KCTD3: variants seen among roughly 807,000 people sequenced by gnomAD.
KCTD3 encodes BTB/POZ domain-containing protein KCTD3.
In KCTD3, 41 loss-of-function variants were observed where a neutral mutation model predicts 85.8. That is an observed-to-expected ratio of 0.48 (90% CI 0.37 to 0.62). The LOEUF is 0.62. Among genes scored for constraint, KCTD3 ranks in the 20% least tolerant of loss-of-function variants. The pLI, the probability that KCTD3 is intolerant of heterozygous loss-of-function variation, is 0.00. For synonymous variants in KCTD3, 338 were observed against 345.4 expected, an observed-to-expected ratio of 0.98 and a Z score of 0.24; for missense variants, 724 against 989.9, an observed-to-expected ratio of 0.73 and a Z score of 3.60.
In KCTD3 at chr1:215,604,125, T is replaced by C. The variant is rs1654927189; in HGVS notation, c.1139-7T>C. 6.2e-7 allele frequency: 1 copy of C among 1,600,310 alleles called. No homozygotes were observed. Among genetic ancestry groups the C allele is most frequent in the African/African-American group, 1.3e-5 (1 of 74,114 alleles). Reference sequence around the variant, plus strand: ...TGTATCACCTGTCAACTCTTGACTTTATATAGGTGTCAGTGGTAACTGGAT... The same window carrying C: ...TGTATCACCTGTCAACTCTTGACTTCATATAGGTGTCAGTGGTAACTGGAT... On this transcript the variant is annotated splice_polypyrimidine_tract_variant and splice_region_variant and intron_variant, in intron 12 of 17. Coordinates refer to ENST00000259154, the MANE Select transcript of KCTD3 (RefSeq NM_016121.5).
chr1:215,582,422 C>T (rs1315521784), intron 8 of KCTD3, among the ~76,000 whole-genome samples: 2 of 152,180 alleles, frequency 1.3e-5, no homozygotes, highest in African/African-American at 2.4e-5. Context: ...AATAACTAGA[C>T]GTAACTCTAT....
chr1:215,608,554 A>G (rs1655117293), intron 14 of KCTD3, among the ~76,000 whole-genome samples: 1 of 152,002 alleles, frequency 6.6e-6, no homozygotes, highest in Non-Finnish European at 1.5e-5. Context: ...TGGTCCCTAT[A>G]AATGAGAGTC....
chr1:215,594,935 A>G (rs1430361764), intron 9 of KCTD3, among the ~76,000 whole-genome samples: 1 of 152,180 alleles, frequency 6.6e-6, no homozygotes, highest in Non-Finnish European at 1.5e-5. Context: ...ACTAGTTCTT[A>G]AATATCGGGT....
At chr1:215,598,570 A>G (rs1180081965) in intron 10 of KCTD3, among the ~76,000 whole-genome samples, 1 of 152,202 alleles carries the variant, frequency 6.6e-6, no homozygotes, top group Non-Finnish European at 1.5e-5. Flanking sequence ...ACGAAAAGTC[A>G]TTAAACAAGA....
At chr1:215,586,713 T>C in intron 9 of KCTD3, 28 bp downstream of exon 9, 1 of 1,559,650 alleles carries the variant, frequency 6.4e-7, no homozygotes, top group Non-Finnish European at 8.8e-7. Flanking sequence ...TATGTTGCAA[T>C]TTGATGATAT....
intron 10 of KCTD3, among the ~76,000 whole-genome samples, chr1:215,596,743 C>G (rs749804216): frequency 1.1e-4 from 16 of 152,180 alleles, no homozygotes; most frequent in Non-Finnish European, 1.5e-4. Context: ...GCTTAAGGAT[C>G]AAGGCTGGTT....
Position 215,608,686 on chromosome 1 carries a change from GT to G in KCTD3, c.1465+515del, listed in dbSNP as rs199733337. Among the ~76,000 whole-genome samples the G allele has an allele frequency of 1.0e-3, 155 of 151,884 alleles. 7 individuals carry two copies. The East Asian group carries it at 0.025, about 24-fold the overall frequency. The stretch of plus-strand genomic sequence containing the variant: ...TTTTCTCTCTATACACCATACATAC[GT>G]GTGCACATGGGCACTCACACATCCA... On this transcript the variant is annotated intron_variant, in intron 14 of 17. Coordinates refer to ENST00000259154, the MANE Select transcript of KCTD3 (RefSeq NM_016121.5).
chr1:215,594,426 A>G (rs993379763), intron 9 of KCTD3, among the ~76,000 whole-genome samples: 1 of 151,740 alleles, frequency 6.6e-6, no homozygotes, highest in African/African-American at 2.4e-5. Context: ...GCTGCTTACA[A>G]CCTCTCTCAC....
intron 9 of KCTD3, among the ~76,000 whole-genome samples, chr1:215,593,745 A>C (rs1660305428): frequency 2.6e-5 from 4 of 151,996 alleles, no homozygotes; most frequent in African/African-American, 9.7e-5. Flanking sequence ...ATAAAACAGT[A>C]TTGTAGAGGT....
intron 8 of KCTD3, among the ~76,000 whole-genome samples, chr1:215,580,536 TGA>T (rs1164046879): frequency 8.5e-5 from 13 of 152,086 alleles, no homozygotes; most frequent in Admixed American, 3.9e-4. Flanking sequence ...TCTCAGAGCC[TGA>T]GAAGCAATGA....
Position 215,590,631 on chromosome 1 carries a change from A to G in KCTD3, c.817+3946A>G, listed in dbSNP as rs572489074. ...CAGTATTCAATCTGCAGTTAAGTTC[A>G]TCTAGTGAATTTTCATCTGAAATGT... On this transcript the variant is annotated intron_variant, in intron 9 of 17. Transcript: ENST00000259154. Among the ~76,000 whole-genome samples the G allele has an allele frequency of 2.0e-5, 3 of 152,248 alleles. No homozygotes were observed. The South Asian group carries it at 6.2e-4, about 32-fold the overall frequency.
intron 17 of KCTD3, 102 bp downstream of exon 17, chr1:215,619,393 A>C: frequency 1.0e-6 from 1 of 989,100 alleles, no homozygotes; most frequent in Non-Finnish European, 1.5e-6. Context: ...CATACTTCTC[A>C]AGGTACATTT....
At chr1:215,595,794 A>G (rs1660395820) in intron 10 of KCTD3, among the ~76,000 whole-genome samples, 1 of 152,174 alleles carries the variant, frequency 6.6e-6, no homozygotes, top group Non-Finnish European at 1.5e-5. Flanking sequence ...GTGAAAACCC[A>G]TAATCTGTTC....
At chr1:215,573,910 T>A in intron 2 of KCTD3, 71 bp downstream of exon 2, 1 of 1,110,588 alleles carries the variant, frequency 9.0e-7, no homozygotes, top group Non-Finnish European at 1.3e-6. Context: ...GTTTGTCAGT[T>A]AAATTTTTTT....
chr1:215,577,842 G>T (rs1659649604), intron 5 of KCTD3, 114 bp downstream of exon 5: 1 of 1,333,378 alleles, frequency 7.5e-7, no homozygotes, highest in African/African-American at 1.5e-5. Flanking sequence ...TCAGTGCTTA[G>T]TTTTTGTGGA....
At chr1:215,598,944 G>T (rs1258096651) in intron 10 of KCTD3, among the ~76,000 whole-genome samples, 1 of 152,176 alleles carries the variant, frequency 6.6e-6, no homozygotes, top group Admixed American at 6.5e-5. Flanking sequence ...ATTGATTAAA[G>T]AAATGTACCA....
intron 9 of KCTD3, among the ~76,000 whole-genome samples, chr1:215,593,451 G>A (rs913418884): frequency 3.9e-5 from 6 of 152,194 alleles, no homozygotes; most frequent in African/African-American, 4.8e-5. Flanking sequence ...TTACAAGACT[G>A]ATTAAAAGTT....
chr1:215,595,466 T>C lies in KCTD3; in HGVS notation c.928T>C (p.Trp310Arg). The change falls in exon 10 of 18, where the codon TGG becomes CGG. Residue 310 changes from tryptophan to arginine, a missense_variant. By Grantham distance (101) the Trp-to-Arg change is moderately radical. Coordinates refer to ENST00000259154, the MANE Select transcript of KCTD3 (RefSeq NM_016121.5). ...AGTGTGGAATGCTGTCACTCAGCAC[T>C]GGCAGGTTAGTTTAAAGCATATTAC... ...VGVWNAVTQH[W>R]QVQDVVPITS... 1 of 1,587,628 alleles carries C rather than the reference T, an allele frequency of 6.3e-7. No homozygotes were observed. The highest frequency in any genetic ancestry group is 8.6e-7 in the Non-Finnish European group (1 of 1,156,088).
intron 8 of KCTD3, among the ~76,000 whole-genome samples, chr1:215,583,246 A>G (rs974587479): frequency 6.6e-5 from 10 of 152,162 alleles, no homozygotes; most frequent in African/African-American, 2.4e-4. Context: ...TTGATTATAT[A>G]CTAAATAAGG....
Sources: allele counts gnomAD v4.1 joint callset (sites outside exome capture counted in the v4.1 genomes callset), GRCh38; gene constraint gnomAD v4.1.1; transcripts MANE v1.5; gene names NCBI Gene and HGNC (gene_info 2026-07-23, HGNC 2026-07-21).